Variants in ZBBX observed in about 807,000 individuals in gnomAD.
ZBBX encodes the protein zinc finger B-box domain-containing protein 1.
In ZBBX, 101 loss-of-function variants were observed where a neutral mutation model predicts 108.5. The observed-to-expected ratio is 0.93, with a 90% CI of 0.79 to 1.10. The LOEUF is 1.10. ZBBX is among the 50% of genes least tolerant of loss of function. ZBBX has a pLI of 0.00. For missense variants in ZBBX, 1,009 were observed against 941.4 expected (o/e 1.07, Z -0.94); for synonymous variants, 356 against 323.4 (o/e 1.10, Z -1.08).
chr3:167,180,217 A>G, the ZBBX span, among the ~76,000 whole-genome samples: 244 of 152,308 alleles, frequency 1.6e-3, 1 homozygote, highest in Non-Finnish European at 3.0e-3. Context: ...AATTAGCTGT[A>G]ACTCTGCCTC....
chr3:167,205,074 AC>A, the ZBBX span, among the ~76,000 whole-genome samples: 1 of 152,144 alleles, frequency 6.6e-6, no homozygotes, highest in Non-Finnish European at 1.5e-5. Context: ...ACATGAGATA[AC>A]CCAGGTATTA....
At chr3:167,334,103 A>G (rs1739137897) in intron 9 of ZBBX, 118 bp from the exon 10 acceptor site, 2 of 733,230 alleles carry the variant, frequency 2.7e-6, no homozygotes, top group African/African-American at 3.6e-5. Context: ...ATTCAATTTA[A>G]TATTTAAAAA....
the ZBBX span, among the ~76,000 whole-genome samples, chr3:167,194,810 A>G: frequency 0.013 from 1,964 of 152,250 alleles, 25 homozygotes; most frequent in Middle Eastern, 0.031. Flanking sequence ...TTTGACCTAC[A>G]AGACTAGAGG....
intron 1 of ZBBX, among the ~76,000 whole-genome samples, chr3:167,400,173 C>A (rs1748377933): frequency 6.6e-6 from 1 of 152,092 alleles, no homozygotes; most frequent in African/African-American, 2.4e-5. Flanking sequence ...CATACACGTG[C>A]ATGTGTCTTT....
chr3:167,364,715 T>A (rs576184226), intron 6 of ZBBX, among the ~76,000 whole-genome samples: 2 of 152,114 alleles, frequency 1.3e-5, no homozygotes, highest in South Asian at 4.1e-4. Context: ...ATATTAAAGT[T>A]CTCTTTGCCA....
At chr3:167,237,421 A>G (rs1171120331), downstream of ZBBX, among the ~76,000 whole-genome samples, 2 of 151,934 alleles carry the variant, frequency 1.3e-5, no homozygotes. Flanking sequence ...TCAGGTGGTC[A>G]TTTATCCAAT....
At chr3:167,292,311 C>A (rs1262487363) in intron 18 of ZBBX, among the ~76,000 whole-genome samples, 2 of 152,134 alleles carry the variant, frequency 1.3e-5, no homozygotes, top group South Asian at 2.1e-4. Context: ...GGAAGTAAAA[C>A]CCTCCTCAGC....
intron 20 of ZBBX, among the ~76,000 whole-genome samples, chr3:167,260,154 T>C (rs1333622402): frequency 6.6e-6 from 1 of 152,196 alleles, no homozygotes. Context: ...AGGCTGAAGA[T>C]AGGGCCCCAA....
intron 1 of ZBBX, among the ~76,000 whole-genome samples, chr3:167,393,294 T>C (rs554323245): frequency 6.6e-6 from 1 of 151,894 alleles, no homozygotes; most frequent in Admixed American, 6.6e-5. Flanking sequence ...TTCTATGTTA[T>C]TTAAGCCACT....
chr3:167,335,943 A>G (rs1739475018), intron 9 of ZBBX, among the ~76,000 whole-genome samples: 1 of 151,944 alleles, frequency 6.6e-6, no homozygotes, highest in Admixed American at 6.6e-5. Flanking sequence ...GTAATGCTTC[A>G]CTCTTTCAGA....
At chr3:167,310,816 G>A (rs997329487) in intron 16 of ZBBX, among the ~76,000 whole-genome samples, 1 of 152,052 alleles carries the variant, frequency 6.6e-6, no homozygotes, top group Non-Finnish European at 1.5e-5. Flanking sequence ...TCTATATGAG[G>A]AATTCTACAA....
At chr3:167,386,785 G>A (rs1747935602) in intron 1 of ZBBX, among the ~76,000 whole-genome samples, 3 of 152,000 alleles carry the variant, frequency 2.0e-5, no homozygotes, top group South Asian at 4.1e-4. Context: ...CTGTCTTCTT[G>A]AGATTTATGC....
the ZBBX span, among the ~76,000 whole-genome samples, chr3:167,229,586 A>C: frequency 2.0e-5 from 3 of 151,844 alleles, no homozygotes; most frequent in East Asian, 5.8e-4. Context: ...TGATGATCCA[A>C]GTGCTATCTG....
At chr3:167,324,638 C>A (rs937935112) in intron 11 of ZBBX, among the ~76,000 whole-genome samples, 1 of 152,148 alleles carries the variant, frequency 6.6e-6, no homozygotes, top group Non-Finnish European at 1.5e-5. Flanking sequence ...CTGATCACTA[C>A]TCCTCCTTGA....
the ZBBX span, among the ~76,000 whole-genome samples, chr3:167,207,507 C>T: frequency 6.6e-6 from 1 of 152,084 alleles, no homozygotes; most frequent in Non-Finnish European, 1.5e-5. Context: ...AAAGAAGGCA[C>T]CTTTTAAAAT....
chr3:167,379,722 T>C lies in ZBBX; in HGVS notation c.-216A>G, dbSNP rs1282526469. The C allele has an allele frequency of 1.3e-5, 2 of 152,124 alleles. No individual in the cohort carries two copies. Among genetic ancestry groups the C allele is most frequent in the Admixed American group, 6.5e-5 (1 of 15,276 alleles). The allele number at this position is 152,124 out of a possible 1,614,324, so 9.4% of individuals were successfully genotyped here. A position where few individuals can be genotyped will look rare whatever the true frequency, so the allele number is the denominator to read the frequency against. ...CTCAGGAATCGGGCACCCCGCACCA[T>C]AGCCCTTACTTGTGAGGAGTAGACT... On this transcript the variant is annotated 5_prime_UTR_variant, in exon 2 of 22. The change abolishes an upstream ATG in the 5' untranslated region. Coordinates refer to ENST00000675490, the MANE Select transcript of ZBBX (RefSeq NM_001199201.2).
chr3:167,294,400 A>G lies in ZBBX; in HGVS notation c.1879+3905T>C, dbSNP rs112934160. Among the ~76,000 whole-genome samples the G allele has an allele frequency of 6.2e-3, 947 of 152,306 alleles. 7 individuals are homozygous for G. The highest frequency in any genetic ancestry group is 0.02 in the African/African-American group (845 of 41,576). ...CCCTCAGAAATTATGCCACACATCTATAGCCATCTGATCTTTGACAGACAT... is the reference window on the plus strand; with the variant it reads ...CCCTCAGAAATTATGCCACACATCTGTAGCCATCTGATCTTTGACAGACAT... On this transcript the variant is annotated intron_variant, in intron 18 of 21. Transcript: ENST00000675490.
chr3:167,354,796 C>T (rs1743247353), intron 8 of ZBBX, among the ~76,000 whole-genome samples: 1 of 151,892 alleles, frequency 6.6e-6, no homozygotes, highest in Admixed American at 6.6e-5. Context: ...TGAGTTTCAG[C>T]ATATAATTCT....
intron 10 of ZBBX, 120 bp from the exon 11 acceptor site, chr3:167,328,236 A>C (rs1270316429): frequency 4.1e-6 from 4 of 969,868 alleles, no homozygotes; most frequent in Non-Finnish European, 5.9e-6. Flanking sequence ...TAGTCATCAC[A>C]AATCAGACTT....
Sources: gnomAD v4.1 joint callset for allele counts (sites outside exome capture counted in the v4.1 genomes callset) on GRCh38, gnomAD v4.1.1 for gene constraint, MANE v1.5 for transcripts, NCBI Gene and HGNC (gene_info 2026-07-23, HGNC 2026-07-21) for gene names.